Variants in RNF13 observed in about 807,000 individuals in gnomAD.
The protein encoded by RNF13 is E3 ubiquitin-protein ligase RNF13.
In RNF13, 19 loss-of-function variants were observed where a neutral mutation model predicts 37.7. The ratio of observed to expected loss-of-function variants is 0.50; its 90% CI spans 0.35 to 0.74. RNF13 has a LOEUF of 0.74. Among genes scored for constraint, RNF13 ranks in the 30% least tolerant of loss-of-function variants. The probability of loss-of-function intolerance (pLI) is 0.01; values close to 1 mark genes in which losing one functional copy is unlikely to be tolerated. For missense variants in RNF13, 375 were observed against 453.0 expected (o/e 0.83, Z 1.56); for synonymous variants, 144 against 157.8 (o/e 0.91, Z 0.65).
At chr3:149,931,139 C>T (rs1318137200) in intron 8 of RNF13, among the ~76,000 whole-genome samples, 1 of 152,112 alleles carries the variant, frequency 6.6e-6, no homozygotes, top group Non-Finnish European at 1.5e-5. Flanking sequence ...CCATGGCTGA[C>T]TGCAGCCTCG....
At chr3:149,891,397 A>G (rs145236391) in intron 4 of RNF13, among the ~76,000 whole-genome samples, 29 of 152,348 alleles carry the variant, frequency 1.9e-4, no homozygotes, top group African/African-American at 6.7e-4. Context: ...CAGGCTAGAA[A>G]TAAGATGAAT....
intron 1 of RNF13, among the ~76,000 whole-genome samples, chr3:149,817,886 A>T (rs1327930125): frequency 6.6e-5 from 10 of 151,896 alleles, no homozygotes; most frequent in Non-Finnish European, 5.9e-5. Context: ...AAAAAAGGAA[A>T]ACATCTGGAG....
chr3:149,953,419 C>T (rs1425711732), intron 8 of RNF13, among the ~76,000 whole-genome samples: 1 of 152,068 alleles, frequency 6.6e-6, no homozygotes, highest in African/African-American at 2.4e-5. Flanking sequence ...GTGTAGCATT[C>T]TAGAAATGTT....
At chr3:149,957,900 C>T (rs1282687956) in intron 8 of RNF13, among the ~76,000 whole-genome samples, 1 of 152,172 alleles carries the variant, frequency 6.6e-6, no homozygotes, top group East Asian at 1.9e-4. Context: ...TTTACCATTT[C>T]ATCACAAGTC....
chr3:149,831,911 T>A lies in RNF13; in HGVS notation c.-16-14100T>A, dbSNP rs181577339. 5.5e-3 allele frequency among the ~76,000 whole-genome samples: 835 copies of A among 152,274 alleles called. 5 individuals carry two copies. Among genetic ancestry groups the A allele is most frequent in the Non-Finnish European group, 8.4e-3 (572 of 68,014 alleles). ...CTGAGAACACTATTTTGGAGGAAAT[T>A]TTATAGTGCCATATATATGTTATAA... On this transcript the variant is annotated intron_variant, in intron 1 of 9. Coordinates refer to ENST00000392894, the MANE Select transcript of RNF13 (RefSeq NM_183381.3).
chr3:149,843,202 T>C (rs1231892716), intron 1 of RNF13, among the ~76,000 whole-genome samples: 1 of 152,178 alleles, frequency 6.6e-6, no homozygotes, highest in Non-Finnish European at 1.5e-5. Context: ...TCTAGAGATG[T>C]TTTAAAGTAT....
chr3:149,854,409 T>G (rs1202013821), intron 3 of RNF13, among the ~76,000 whole-genome samples: 1 of 152,230 alleles, frequency 6.6e-6, no homozygotes, highest in African/African-American at 2.4e-5. Context: ...TTTCTGAACA[T>G]GTAATGCTTT....
At position 149,960,048 on chromosome 3, in the gene RNF13, G is replaced by C. The variant is rs140341752; in HGVS notation, c.701-8G>C. ...AAAAATAGTTCTCTACATATTTTCT[G>C]TTTTCAGGAGATGAGTATGATGTAT... is the stretch of plus-strand genomic sequence containing the variant. On this transcript the variant is annotated splice_polypyrimidine_tract_variant and splice_region_variant and intron_variant, in intron 8 of 9. Coordinates refer to ENST00000392894, the MANE Select transcript of RNF13 (RefSeq NM_183381.3). 1.2e-3 allele frequency: 1,931 copies of C among 1,598,424 alleles called. 22 individuals carry two copies. The African/African-American group carries it at 0.023, about 19-fold the overall frequency.
chr3:149,856,847 A>C (rs1014170728), intron 3 of RNF13, among the ~76,000 whole-genome samples: 1 of 152,160 alleles, frequency 6.6e-6, no homozygotes, highest in African/African-American at 2.4e-5. Context: ...TTCTGGGTTC[A>C]CGCCATTCTC....
chr3:149,856,909 G>A (rs932265258), intron 3 of RNF13, among the ~76,000 whole-genome samples: 4 of 152,040 alleles, frequency 2.6e-5, no homozygotes, highest in African/African-American at 9.7e-5. Flanking sequence ...CACTACGCAC[G>A]GCTAATTTTT....
At position 149,933,108 on chromosome 3, in the gene RNF13, A is replaced by AC. The variant is rs781711525; in HGVS notation, c.700+11883dup. On this transcript the variant is annotated intron_variant, in intron 8 of 9. Coordinates refer to ENST00000392894, the MANE Select transcript of RNF13 (RefSeq NM_183381.3). ...CTCTCAGAGCAGTGCCCCAAACTGT[A>AC]CCAGGGGCCCTTTTGAGCTGAGGCT... 5.3e-5 allele frequency among the ~76,000 whole-genome samples: 8 copies of AC among 151,998 alleles called. No individual in the cohort carries two copies. In the East Asian group the frequency reaches 5.8e-4, roughly 11 times the overall value.
At chr3:149,889,675 G>A (rs972271785) in intron 4 of RNF13, among the ~76,000 whole-genome samples, 1 of 138,188 alleles carries the variant, frequency 7.2e-6, no homozygotes, top group Non-Finnish European at 1.5e-5. Context: ...TTTTTTTTGA[G>A]ATGGAGTCTC....
Position 149,895,831 on chromosome 3 carries a change from C to T in RNF13, c.409+271C>T, listed in dbSNP as rs192478544. Among the ~76,000 whole-genome samples, 10 of 152,132 alleles carry T rather than the reference C, an allele frequency of 6.6e-5. No homozygotes were observed. The East Asian group carries it at 1.9e-3, about 29-fold the overall frequency. On this transcript the variant is annotated intron_variant, in intron 5 of 9. Transcript: ENST00000392894. ...GGGAAACAGCTTTAATAGGGATAAA[C>T]ATGCTGAGTTAAGAATGCCATAGAG...
At chr3:149,842,315 C>G (rs989463523) in intron 1 of RNF13, among the ~76,000 whole-genome samples, 5 of 152,158 alleles carry the variant, frequency 3.3e-5, no homozygotes, top group Admixed American at 1.3e-4. Context: ...TACTTACTTT[C>G]TCACTGTGGT....
At chr3:149,920,522 G>A (rs918665264) in intron 7 of RNF13, among the ~76,000 whole-genome samples, 15 of 152,152 alleles carry the variant, frequency 9.9e-5, no homozygotes, top group African/African-American at 3.6e-4. Context: ...CTTTTAAGCA[G>A]AGAAGTTCTT....
At chr3:149,883,235 C>T (rs952107497) in intron 4 of RNF13, among the ~76,000 whole-genome samples, 11 of 152,040 alleles carry the variant, frequency 7.2e-5, no homozygotes, top group African/African-American at 2.7e-4. Flanking sequence ...CTTTAATCTA[C>T]AACAGCTCTT....
intron 4 of RNF13, among the ~76,000 whole-genome samples, chr3:149,882,694 T>C (rs1713568444): frequency 6.6e-6 from 1 of 152,214 alleles, no homozygotes; most frequent in Non-Finnish European, 1.5e-5. Flanking sequence ...AAGTGCAGGA[T>C]GATTTTGTTT....
chr3:149,956,992 A>G (rs968257336), intron 8 of RNF13, among the ~76,000 whole-genome samples: 2 of 152,202 alleles, frequency 1.3e-5, no homozygotes, highest in Admixed American at 6.5e-5. Flanking sequence ...AATCATCCCC[A>G]GTTTAGAACC....
intron 4 of RNF13, among the ~76,000 whole-genome samples, chr3:149,882,739 C>T (rs1713572768): frequency 6.6e-6 from 1 of 151,758 alleles, no homozygotes; most frequent in East Asian, 1.9e-4. Flanking sequence ...GAAATTAGTC[C>T]ATATTTATAT....
Sources: allele counts gnomAD v4.1 joint callset (sites outside exome capture counted in the v4.1 genomes callset), GRCh38; gene constraint gnomAD v4.1.1; transcripts MANE v1.5; gene names NCBI Gene and HGNC (gene_info 2026-07-23, HGNC 2026-07-21).